GMCL1: variants seen among roughly 807,000 people sequenced by gnomAD.
GMCL1 encodes the protein germ cell-less 1, spermatogenesis associated.
In GMCL1, 54 loss-of-function variants were observed where a neutral mutation model predicts 75.5. The observed-to-expected ratio is 0.71, with a 90% CI of 0.57 to 0.90. The LOEUF (loss-of-function observed/expected upper bound fraction) is 0.90. Ranked by LOEUF, GMCL1 falls within the 40% of genes least tolerant of loss-of-function variation. GMCL1 has a pLI of 0.00. For missense variants in GMCL1, 537 were observed against 622.7 expected, an observed-to-expected ratio of 0.86 and a Z score of 1.47; for synonymous variants, 210 against 209.6, an observed-to-expected ratio of 1.00 and a Z score of -0.02.
chr2:69,861,237 C>T, intron 9 of GMCL1, 41 bp from the exon 10 acceptor site: 1 of 1,300,510 alleles, frequency 7.7e-7, no homozygotes, highest in South Asian at 1.3e-5. Context: ...TTATGTTCTT[C>T]AGTCGTTATT....
At chr2:69,842,411 A>G (rs1675012073) in intron 4 of GMCL1, among the ~76,000 whole-genome samples, 1 of 152,292 alleles carries the variant, frequency 6.6e-6, no homozygotes, top group African/African-American at 2.4e-5. Flanking sequence ...TTGATTTTCA[A>G]AATGTTTTGA....
chr2:69,862,050 A>G (rs1024951474), intron 10 of GMCL1, among the ~76,000 whole-genome samples: 1 of 152,200 alleles, frequency 6.6e-6, no homozygotes, highest in Non-Finnish European at 1.5e-5. Flanking sequence ...ATCTGGTTAC[A>G]GATACCTTCC....
intron 10 of GMCL1, among the ~76,000 whole-genome samples, chr2:69,861,854 G>A (rs1182742713): frequency 6.6e-6 from 1 of 152,116 alleles, no homozygotes; most frequent in Non-Finnish European, 1.5e-5. Context: ...AGGCTGAGGT[G>A]GGAGGATCAC....
chr2:69,839,613 G>A, intron 3 of GMCL1, 60 bp downstream of exon 3: 3 of 1,088,434 alleles, frequency 2.8e-6, no homozygotes, highest in Non-Finnish European at 4.2e-6. Flanking sequence ...TTATTCTTCT[G>A]GTAGAAGATA....
rs1413344842 is a variant in GMCL1, at chr2:69,865,802, C to T, written c.1218+827C>T. Among the ~76,000 whole-genome samples the T allele has an allele frequency of 3.3e-5, 5 of 152,162 alleles. No individual in the cohort carries two copies. The East Asian group carries it at 7.7e-4, about 23-fold the overall frequency. On this transcript the variant is annotated intron_variant, in intron 11 of 13. Transcript: ENST00000282570. ...GTTATTTGTTAGAGACAGGCTCTCC[C>T]TCTGTCACCCAACCTGGAGTGCAGT...
intron 1 of GMCL1, among the ~76,000 whole-genome samples, chr2:69,833,041 A>C (rs993086052): frequency 6.6e-6 from 1 of 152,294 alleles, no homozygotes; most frequent in East Asian, 1.9e-4. Flanking sequence ...ATGGTGGAAA[A>C]GTTTGCTCAA....
chr2:69,836,163 G>A (rs1357745567), intron 1 of GMCL1, among the ~76,000 whole-genome samples: 2 of 152,058 alleles, frequency 1.3e-5, no homozygotes, highest in Admixed American at 6.6e-5. Context: ...GGGTTCTGAT[G>A]GGCAGATAAG....
chr2:69,852,258 G>A (rs959371912), intron 8 of GMCL1, among the ~76,000 whole-genome samples: 1 of 152,208 alleles, frequency 6.6e-6, no homozygotes, highest in Admixed American at 6.5e-5. Context: ...TGTAGCCTAA[G>A]TGGCAGAAAC....
At chr2:69,871,098 A>G (rs1467354310) in intron 12 of GMCL1, among the ~76,000 whole-genome samples, 1 of 152,244 alleles carries the variant, frequency 6.6e-6, no homozygotes, top group Non-Finnish European at 1.5e-5. Context: ...ATTATTCACA[A>G]TAGCCAAAAG....
intron 7 of GMCL1, among the ~76,000 whole-genome samples, chr2:69,848,216 G>A (rs1675210555): frequency 6.6e-6 from 1 of 152,218 alleles, no homozygotes; most frequent in Non-Finnish European, 1.5e-5. Flanking sequence ...TCTTCCTACT[G>A]CATAATCCTG....
intron 12 of GMCL1, among the ~76,000 whole-genome samples, chr2:69,870,931 T>G (rs986950333): frequency 3.3e-5 from 5 of 152,294 alleles, no homozygotes; most frequent in Admixed American, 3.3e-4. Flanking sequence ...CTCGTGGCCA[T>G]GTAAAATGGC....
rs1405307526 is a variant in GMCL1 at position 69,829,954 on chromosome 2, A to C, written c.62A>C (p.Gln21Pro). Residue 21 changes from glutamine (Q) to proline (P), a missense_variant, in exon 1 of 14, where the codon CAG becomes CCG. Gln to Pro is a moderately conservative substitution (Grantham distance 76). Around this residue, in one of 3 missense-constraint regions of GMCL1, gnomAD observed 144 missense variants for 127.2 expected, o/e 1.13. Coordinates refer to ENST00000282570, the MANE Select transcript of GMCL1 (RefSeq NM_178439.5). ...QPRPALAQQAQGARAGGSARR... is the reference protein window; with the variant it reads ...QPRPALAQQAPGARAGGSARR... ...AGACCAGCCCTTGCCCAGCAGGCGC[A>C]GGGTGCCAGGGCGGGGGGCTCGGCC... 1 of 1,594,142 alleles carries C rather than the reference A, an allele frequency of 6.3e-7. No homozygotes were observed. Among genetic ancestry groups the C allele is most frequent in the Non-Finnish European group, 8.5e-7 (1 of 1,170,268 alleles).
At chr2:69,868,886 C>A (rs1290500471) in intron 11 of GMCL1, among the ~76,000 whole-genome samples, 1 of 150,456 alleles carries the variant, frequency 6.6e-6, no homozygotes, top group African/African-American at 2.4e-5. Context: ...GAGGCCGAGG[C>A]GTGTGGATCA....
At chr2:69,878,853 G>A in intron 13 of GMCL1, 56 bp from the exon 14 acceptor site, 1 of 1,189,946 alleles carries the variant, frequency 8.4e-7, no homozygotes, top group East Asian at 2.3e-5. Flanking sequence ...TCAACAGTTT[G>A]GTTTTTTGTT....
chr2:69,838,389 A>G (rs945301072), intron 2 of GMCL1, among the ~76,000 whole-genome samples: 1 of 151,272 alleles, frequency 6.6e-6, no homozygotes, highest in Non-Finnish European at 1.5e-5. Context: ...ATAGAATACA[A>G]TGTTGCTCTA....
intron 1 of GMCL1, 31 bp downstream of exon 1, chr2:69,830,183 G>A: frequency 6.5e-7 from 1 of 1,542,936 alleles, no homozygotes; most frequent in Non-Finnish European, 8.7e-7. Context: ...GCGCGGACCC[G>A]GACCCGCACC....
chr2:69,830,387 C>T (rs1349084574), intron 1 of GMCL1, among the ~76,000 whole-genome samples: 1 of 152,198 alleles, frequency 6.6e-6, no homozygotes, highest in Non-Finnish European at 1.5e-5. Flanking sequence ...GTTGTTACAG[C>T]CCCAAGATGA....
chr2:69,865,830 C>G (rs1400949345), intron 11 of GMCL1, among the ~76,000 whole-genome samples: 2 of 152,114 alleles, frequency 1.3e-5, no homozygotes, highest in African/African-American at 4.8e-5. Context: ...AGTGCAGTGG[C>G]GTGACCACAG....
intron 6 of GMCL1, 27 bp from the exon 7 acceptor site, chr2:69,847,516 C>T (rs1465665383): frequency 1.4e-6 from 2 of 1,396,344 alleles, no homozygotes; most frequent in South Asian, 1.2e-5. Flanking sequence ...TAAAGATAAG[C>T]TCACTCCCTC....
Sources: gnomAD v4.1 joint callset for allele counts (sites outside exome capture counted in the v4.1 genomes callset) on GRCh38, gnomAD v4.1.1 for gene constraint, gnomAD v4.1.1 regional missense constraint, MANE v1.5 for transcripts, NCBI Gene and HGNC (gene_info 2026-07-23, HGNC 2026-07-21) for gene names.